The following SULF1 variants were observed in gnomAD, a reference collection of about 807,000 sequenced individuals.
SULF1 encodes the protein extracellular sulfatase Sulf-1.
Under a neutral mutation model 110.5 loss-of-function variants are expected in SULF1, and 46 were observed. That is an observed-to-expected ratio of 0.42 (90% CI 0.33 to 0.53). SULF1 has a LOEUF of 0.53. Ranked by LOEUF, SULF1 falls within the 20% of genes least tolerant of loss-of-function variation. The probability of loss-of-function intolerance (pLI) is 0.12; values close to 1 mark genes in which losing one functional copy is unlikely to be tolerated. For missense variants in SULF1, 941 were observed against 1,094.2 expected (o/e 0.86, Z 1.98); for synonymous variants, 371 against 387.1 (o/e 0.96, Z 0.49).
chr8:69,562,464 T>A (rs891014774), intron 3 of SULF1, among the ~76,000 whole-genome samples: 1 of 152,182 alleles, frequency 6.6e-6, no homozygotes, highest in African/African-American at 2.4e-5. Context: ...GGGGACTGAG[T>A]GGCTGATGAA....
chr8:69,477,508 G>A (rs1029607667), intron 1 of SULF1, among the ~76,000 whole-genome samples: 6 of 151,954 alleles, frequency 3.9e-5, no homozygotes, highest in South Asian at 2.1e-4. Context: ...TTCTTGTTGC[G>A]CAAATAAAAT....
Position 69,554,341 on chromosome 8 carries a change from C to T in SULF1, c.-133-9198C>T, listed in dbSNP as rs143140071. ...AAATTTGCCTTAAATGTCCCTGGAC[C>T]TAGATCATAATATGTGCCTTTTCAG... On this transcript the variant is annotated intron_variant, in intron 3 of 22. Coordinates refer to ENST00000402687, the MANE Select transcript of SULF1 (RefSeq NM_001128205.2). 3.1e-3 allele frequency among the ~76,000 whole-genome samples: 469 copies of T among 152,160 alleles called. 1 individual carries two copies. Among genetic ancestry groups the T allele is most frequent in the Non-Finnish European group, 4.4e-3 (297 of 68,018 alleles).
chr8:69,517,735 T>C (rs1812032379), intron 3 of SULF1, among the ~76,000 whole-genome samples: 1 of 152,118 alleles, frequency 6.6e-6, no homozygotes, highest in Non-Finnish European at 1.5e-5. Context: ...AAGAAGTCAA[T>C]AGACAGCAAA....
intron 5 of SULF1, among the ~76,000 whole-genome samples, chr8:69,572,220 G>A (rs1346534940): frequency 6.6e-6 from 1 of 152,182 alleles, no homozygotes; most frequent in Non-Finnish European, 1.5e-5. Context: ...CAATGTCACA[G>A]CCAGCATTCA....
chr8:69,494,521 T>C (rs1354496204), intron 1 of SULF1, among the ~76,000 whole-genome samples: 1 of 152,232 alleles, frequency 6.6e-6, no homozygotes, highest in South Asian at 2.1e-4. Context: ...TAAGGTATAA[T>C]TAAAGTCAAA....
At chr8:69,631,717 G>C (rs1047960459) in intron 19 of SULF1, among the ~76,000 whole-genome samples, 2 of 152,182 alleles carry the variant, frequency 1.3e-5, no homozygotes, top group Non-Finnish European at 2.9e-5. Flanking sequence ...TCGCCATGGG[G>C]CCTTTGCACT....
At chr8:69,603,427 A>T in intron 11 of SULF1, 107 bp downstream of exon 11, 1 of 1,550,312 alleles carries the variant, frequency 6.5e-7, no homozygotes, top group East Asian at 2.2e-5. Flanking sequence ...TGCCTTGCCC[A>T]CAAGGATCAC....
intron 3 of SULF1, among the ~76,000 whole-genome samples, chr8:69,559,112 A>G (rs1209431023): frequency 1.3e-5 from 2 of 152,238 alleles, no homozygotes; most frequent in Non-Finnish European, 2.9e-5. Flanking sequence ...CCAGAATCAC[A>G]TGAATAAGTA....
At chr8:69,591,347 G>T (rs1032135165) in intron 8 of SULF1, among the ~76,000 whole-genome samples, 5 of 151,904 alleles carry the variant, frequency 3.3e-5, no homozygotes, top group African/African-American at 1.2e-4. Context: ...GAGGTCAAGA[G>T]ATCAAGACCA....
chr8:69,652,744 C>T (rs1203650345), intron 22 of SULF1, among the ~76,000 whole-genome samples: 1 of 152,208 alleles, frequency 6.6e-6, no homozygotes, highest in Non-Finnish European at 1.5e-5. Flanking sequence ...TGGCCAACTG[C>T]TCAAACTCTG....
intron 8 of SULF1, among the ~76,000 whole-genome samples, chr8:69,599,937 C>T (rs1014437792): frequency 6.6e-6 from 1 of 152,140 alleles, no homozygotes; most frequent in African/African-American, 2.4e-5. Flanking sequence ...GGACAATATC[C>T]TTGTGGCTTA....
rs138682571 is a variant in SULF1 at position 69,641,901 on chromosome 8, C to T, written c.2585+1060C>T. On this transcript the variant is annotated intron_variant, in intron 22 of 22. Coordinates refer to ENST00000402687, the MANE Select transcript of SULF1 (RefSeq NM_001128205.2). ...CACTGTGCTCTGGAGGGGGGACGCA[C>T]GCTCCTGATGGCCGTGTCACTTGGT... is the stretch of plus-strand genomic sequence containing the variant. Among the ~76,000 whole-genome samples, 401 of 152,150 alleles carry T rather than the reference C, an allele frequency of 2.6e-3. 5 individuals are homozygous for T. The highest frequency in any genetic ancestry group is 9.3e-3 in the African/African-American group (388 of 41,518).
intron 2 of SULF1, among the ~76,000 whole-genome samples, chr8:69,498,999 C>T (rs1406153805): frequency 2.0e-5 from 3 of 152,178 alleles, no homozygotes; most frequent in Non-Finnish European, 2.9e-5. Flanking sequence ...GCTGGGATCA[C>T]AGGCATGTGC....
chr8:69,580,735 G>A (rs1228570788), intron 6 of SULF1, among the ~76,000 whole-genome samples: 1 of 152,042 alleles, frequency 6.6e-6, no homozygotes, highest in African/African-American at 2.4e-5. Context: ...TGAGGTAGAA[G>A]GGACAATATT....
Position 69,602,632 on chromosome 8 carries a change from A to G in SULF1, c.1062-560A>G, listed in dbSNP as rs557270993. On this transcript the variant is annotated intron_variant, in intron 10 of 22. Coordinates refer to ENST00000402687, the MANE Select transcript of SULF1 (RefSeq NM_001128205.2). ...CAGATGTTCTGAATCTCCCCCGAGT[A>G]CCACATGTGCTGCTGCATCATACTA... is the stretch of plus-strand genomic sequence containing the variant. 2.0e-5 allele frequency among the ~76,000 whole-genome samples: 3 copies of G among 152,316 alleles called. No individual in the cohort carries two copies. The East Asian group carries it at 5.8e-4, about 29-fold the overall frequency.
At chr8:69,537,964 CTTTT>C (rs746746718) in intron 3 of SULF1, among the ~76,000 whole-genome samples, 1 of 141,932 alleles carries the variant, frequency 7.0e-6, no homozygotes, top group African/African-American at 2.6e-5. Context: ...ATTTCAAATC[CTTTT>C]TTTTTTTTTT....
chr8:69,570,946 C>T (rs1239490159), intron 5 of SULF1, among the ~76,000 whole-genome samples: 1 of 152,214 alleles, frequency 6.6e-6, no homozygotes, highest in Non-Finnish European at 1.5e-5. Context: ...AGTGCATGCA[C>T]ACCAGCTACA....
rs532584456 is a variant in SULF1 at position 69,543,683 on chromosome 8, T to C, written c.-133-19856T>C. On this transcript the variant is annotated intron_variant, in intron 3 of 22. Coordinates refer to ENST00000402687, the MANE Select transcript of SULF1 (RefSeq NM_001128205.2). ...AGCCCCTGATTTTTTTAATCATCTG[T>C]GTTCAATACCTTTACATCTTTTTTT... 2.5e-3 allele frequency among the ~76,000 whole-genome samples: 378 copies of C among 152,354 alleles called. 1 individual carries two copies. Among genetic ancestry groups the C allele is most frequent in the South Asian group, 7.9e-3 (38 of 4,830 alleles).
At chr8:69,483,705 C>G (rs578137171) in intron 1 of SULF1, among the ~76,000 whole-genome samples, 4 of 152,134 alleles carry the variant, frequency 2.6e-5, no homozygotes, top group Non-Finnish European at 5.9e-5. Flanking sequence ...AGGAGGATCA[C>G]GTGAACCTTA....
Sources: allele counts gnomAD v4.1 joint callset (sites outside exome capture counted in the v4.1 genomes callset), GRCh38; gene constraint gnomAD v4.1.1; transcripts MANE v1.5; gene names NCBI Gene and HGNC (gene_info 2026-07-23, HGNC 2026-07-21).